Variants in CECR2 observed in about 807,000 individuals in gnomAD.
CECR2 encodes chromatin remodeling regulator CECR2.
A neutral mutation model predicts 154.5 loss-of-function variants in CECR2; 30 were observed. The ratio of observed to expected loss-of-function variants is 0.19; its 90% CI spans 0.15 to 0.26. CECR2 has a LOEUF of 0.26. Ranked by LOEUF, CECR2 falls within the 10% of genes least tolerant of loss-of-function variation. CECR2 has a pLI of 1.00. For missense variants in CECR2, 1,743 were observed against 1,829.3 expected (o/e 0.95, Z 0.86); for synonymous variants, 725 against 683.7 (o/e 1.06, Z -0.94).
At chr22:17,530,525 A>AG (rs1450646048) in intron 9 of CECR2, among the ~76,000 whole-genome samples, 1 of 152,032 alleles carries the variant, frequency 6.6e-6, no homozygotes, top group East Asian at 1.9e-4. Context: ...TACAAAAAAA[A>AG]AATTAGCCGG....
intron 1 of CECR2, among the ~76,000 whole-genome samples, chr22:17,420,185 A>T (rs2054224546): frequency 6.6e-6 from 1 of 152,240 alleles, no homozygotes; most frequent in African/African-American, 2.4e-5. Context: ...AGTCAAAGGA[A>T]ATTTAGGAGG....
intron 1 of CECR2, among the ~76,000 whole-genome samples, chr22:17,462,162 T>A (rs1278689561): frequency 8.6e-5 from 13 of 151,522 alleles, no homozygotes; most frequent in Non-Finnish European, 3.0e-5. Context: ...CCCAGCATTT[T>A]GGGAGGCCGA....
chr22:17,445,782 G>A (rs1178819798), intron 1 of CECR2, among the ~76,000 whole-genome samples: 28 of 151,742 alleles, frequency 1.8e-4, no homozygotes, highest in Admixed American at 1.8e-3. Flanking sequence ...TAGTAGAGAT[G>A]GGGTTTTGCC....
chr22:17,414,889 GT>G (rs2054133982), intron 1 of CECR2, among the ~76,000 whole-genome samples: 2 of 152,188 alleles, frequency 1.3e-5, no homozygotes, highest in South Asian at 4.1e-4. Context: ...TGGTGTACCT[GT>G]TTGGGGGCAT....
At position 17,542,284 on chromosome 22, in the gene CECR2, T is replaced by G. The variant is rs2056536777; in HGVS notation, c.2141T>G (p.Ile714Arg). The G allele has an allele frequency of 6.2e-7, 1 of 1,611,376 alleles. No homozygotes were observed. Among genetic ancestry groups the G allele is most frequent in the Non-Finnish European group, 8.5e-7 (1 of 1,178,822 alleles). The change falls in exon 16 of 19, where the codon ATA becomes AGA. Residue 714 changes from isoleucine (I) to arginine (R), a missense_variant. This residue lies in a region of CECR2 where 1,250 missense variants were observed against 1,192.1 expected (regional missense o/e 1.05). Transcript: ENST00000262608. ...CCTGGATCCTTGCAGCTTGGGCAGA[T>G]AAGTGGCCCAAGTCAGGATGGAAGC... The part of the protein sequence containing the change: ...PHPGSLQLGQ[I>R]SGPSQDGSMY...
chr22:17,440,678 G>C (rs1456905708), intron 1 of CECR2, among the ~76,000 whole-genome samples: 1 of 152,118 alleles, frequency 6.6e-6, no homozygotes, highest in Non-Finnish European at 1.5e-5. Flanking sequence ...ATATAGCAAA[G>C]TGATGTAAGA....
At chr22:17,510,822 G>A (rs1009289492) in intron 7 of CECR2, among the ~76,000 whole-genome samples, 2 of 152,124 alleles carry the variant, frequency 1.3e-5, no homozygotes, top group Non-Finnish European at 2.9e-5. Flanking sequence ...GGTCAGGATG[G>A]TCTTGATCTC....
chr22:17,524,872 G>C (rs1351110356), intron 9 of CECR2: 2 of 394,962 alleles, frequency 5.1e-6, no homozygotes, highest in Admixed American at 2.7e-5. Flanking sequence ...TTACCATGTT[G>C]GGCAGGTTGG....
intron 1 of CECR2, among the ~76,000 whole-genome samples, chr22:17,382,040 A>G (rs1302819934): frequency 4.4e-5 from 6 of 135,322 alleles, no homozygotes; most frequent in Admixed American, 4.0e-4. Context: ...GGCGCCTGCC[A>G]CCACGCCCTG....
chr22:17,502,363 G>A (rs2055754639), intron 5 of CECR2, among the ~76,000 whole-genome samples: 1 of 152,152 alleles, frequency 6.6e-6, no homozygotes, highest in Non-Finnish European at 1.5e-5. Flanking sequence ...CAGGGAGGAG[G>A]ACATTGGAAT....
At chr22:17,464,841 C>T (rs919879913) in intron 1 of CECR2, among the ~76,000 whole-genome samples, 9 of 152,090 alleles carry the variant, frequency 5.9e-5, no homozygotes, top group Admixed American at 2.0e-4. Flanking sequence ...GTGCAGTTTT[C>T]GAGAGCACGT....
intron 1 of CECR2, among the ~76,000 whole-genome samples, chr22:17,382,026 T>A (rs1452521503): frequency 6.7e-6 from 1 of 149,928 alleles, no homozygotes; most frequent in Admixed American, 6.7e-5. Context: ...TAGCTGGGAC[T>A]ACAGGCGCCT....
intron 1 of CECR2, among the ~76,000 whole-genome samples, chr22:17,400,516 C>T (rs972372951): frequency 4.6e-5 from 7 of 151,456 alleles, no homozygotes; most frequent in South Asian, 2.1e-4. Flanking sequence ...TGTCCTTTTT[C>T]TCGTGAGTGA....
Position 17,552,028 on chromosome 22 carries a change from T to C in CECR2, c.4278-3T>C, listed in dbSNP as rs370747828. 1.2e-5 allele frequency: 20 copies of C among 1,613,520 alleles called. No individual in the cohort carries two copies. The highest frequency in any genetic ancestry group is 2.2e-5 in the South Asian group (2 of 91,082). On this transcript the variant is annotated splice_polypyrimidine_tract_variant and splice_region_variant and intron_variant, in intron 17 of 18. Coordinates refer to ENST00000262608, the MANE Select transcript of CECR2 (RefSeq NM_001290047.2). ...CTTCATTGCTTCTTTCTCGTGGCTG[T>C]AGAATGCAGATGCACCCGGTCCAGT...
intron 1 of CECR2, among the ~76,000 whole-genome samples, chr22:17,437,514 C>G (rs2054524601): frequency 6.6e-6 from 1 of 152,080 alleles, no homozygotes. Context: ...TACACTTCCT[C>G]GACATGTTTT....
chr22:17,447,680 G>C (rs1469420738), intron 1 of CECR2, among the ~76,000 whole-genome samples: 1 of 151,224 alleles, frequency 6.6e-6, no homozygotes, highest in East Asian at 1.9e-4. Flanking sequence ...GCCGGGGGTC[G>C]GGGGCGGTGG....
intron 8 of CECR2, among the ~76,000 whole-genome samples, chr22:17,517,847 G>A (rs936869345): frequency 3.3e-5 from 5 of 152,134 alleles, no homozygotes; most frequent in Non-Finnish European, 7.4e-5. Context: ...TTATCATTGC[G>A]TTTATTCTTC....
chr22:17,370,454 C>G (rs1248172784), intron 1 of CECR2, among the ~76,000 whole-genome samples: 1 of 151,832 alleles, frequency 6.6e-6, no homozygotes, highest in South Asian at 2.1e-4. Context: ...GGGAGGCGCT[C>G]CGGCCAACTT....
chr22:17,531,584 G>A (rs2056356009), intron 9 of CECR2, among the ~76,000 whole-genome samples: 1 of 152,152 alleles, frequency 6.6e-6, no homozygotes, highest in African/African-American at 2.4e-5. Context: ...AACATGAAAG[G>A]TCCTGTATGT....
Sources: gnomAD v4.1 joint callset for allele counts (sites outside exome capture counted in the v4.1 genomes callset) on GRCh38, gnomAD v4.1.1 for gene constraint, gnomAD v4.1.1 regional missense constraint, MANE v1.5 for transcripts, NCBI Gene and HGNC (gene_info 2026-07-23, HGNC 2026-07-21) for gene names.